SKIC2: variants seen among roughly 807,000 people sequenced by gnomAD.
The protein encoded by SKIC2 is SKI2 subunit of superkiller complex, also known as superkiller complex protein 2.
chr6:31,960,612 C>G, the SKIC2 span: 3 of 1,579,742 alleles, frequency 1.9e-6, no homozygotes, highest in Non-Finnish European at 1.7e-6. Flanking sequence ...GGTTCCCCAC[C>G]TATCTCGTAT....
At chr6:31,960,809 C>T in the SKIC2 span, 1 of 1,204,182 alleles carries the variant, frequency 8.3e-7, no homozygotes, top group Non-Finnish European at 1.2e-6. Flanking sequence ...TACTGCTAGC[C>T]CTCCCATGTT....
the SKIC2 span, among the ~76,000 whole-genome samples, chr6:31,965,338 A>C: frequency 4.5e-4 from 68 of 152,288 alleles, no homozygotes; most frequent in Non-Finnish European, 9.1e-4. The surrounding 1 kb of genome is among the most constrained non-coding windows in gnomAD (Gnocchi z 5.6). Flanking sequence ...AGTGTTCTGC[A>C]GCAGTTGGAA....
chr6:31,962,819 A>G, the SKIC2 span: 1,450 of 1,550,584 alleles, frequency 9.4e-4, 16 homozygotes, highest in Admixed American at 0.017. This position sits in a 1 kb window ranked among gnomAD's most constrained non-coding sequence, Gnocchi z 5.0. Context: ...TGGGCTCCCC[A>G]GAACCCGGCA....
At chr6:31,966,594 C>T in the SKIC2 span, 2 of 1,068,902 alleles carry the variant, frequency 1.9e-6, no homozygotes, top group Non-Finnish European at 2.8e-6. This position sits in a 1 kb window ranked among gnomAD's most constrained non-coding sequence, Gnocchi z 5.9. Flanking sequence ...TTGTCCAAGG[C>T]CCCATGGTTG....
chr6:31,962,756 G>T, the SKIC2 span: 1 of 1,612,914 alleles, frequency 6.2e-7, no homozygotes, highest in South Asian at 1.1e-5. The surrounding 1 kb of genome is among the most constrained non-coding windows in gnomAD (Gnocchi z 5.0). Flanking sequence ...GGGACCTGGA[G>T]TGGGTCATCT....
At chr6:31,968,101 G>A in the SKIC2 span, 1 of 1,612,392 alleles carries the variant, frequency 6.2e-7, no homozygotes, top group Non-Finnish European at 8.5e-7. The surrounding 1 kb of genome is among the most constrained non-coding windows in gnomAD (Gnocchi z 6.1). Flanking sequence ...TGCTAGGGAG[G>A]CCCTTCTCCT....
chr6:31,962,495 G>A, the SKIC2 span: 3 of 1,614,142 alleles, frequency 1.9e-6, no homozygotes, highest in African/African-American at 1.3e-5. The surrounding 1 kb of genome is among the most constrained non-coding windows in gnomAD (Gnocchi z 5.0). Flanking sequence ...CGGGACTTCC[G>A]AAACACATTC....
the SKIC2 span, chr6:31,963,195 G>T: frequency 1.1e-6 from 1 of 885,100 alleles, no homozygotes. This position sits in a 1 kb window ranked among gnomAD's most constrained non-coding sequence, Gnocchi z 5.3. Context: ...TCAGGCCTTA[G>T]GGGTGATGCT....
At chr6:31,968,566 C>G in the SKIC2 span, 6 of 1,582,626 alleles carry the variant, frequency 3.8e-6, no homozygotes, top group Non-Finnish European at 5.2e-6. The surrounding 1 kb of genome is among the most constrained non-coding windows in gnomAD (Gnocchi z 6.1). Context: ...AACTCCCAAG[C>G]TGGGAGTAGG....
At chr6:31,964,349 G>A in the SKIC2 span, 8 of 1,608,494 alleles carry the variant, frequency 5.0e-6, no homozygotes, top group Non-Finnish European at 6.8e-6. This position sits in a 1 kb window ranked among gnomAD's most constrained non-coding sequence, Gnocchi z 5.0. Flanking sequence ...CAAGGTGCAT[G>A]TGGTGGTGGA....
At chr6:31,964,049 C>G in the SKIC2 span, 1 of 1,612,606 alleles carries the variant, frequency 6.2e-7, no homozygotes, top group Non-Finnish European at 8.5e-7. This position sits in a 1 kb window ranked among gnomAD's most constrained non-coding sequence, Gnocchi z 5.0. Flanking sequence ...ACCACCAGTT[C>G]GGAGAAGAGC....
At chr6:31,966,009 T>A in the SKIC2 span, 1 of 1,586,776 alleles carries the variant, frequency 6.3e-7, no homozygotes, top group Non-Finnish European at 8.6e-7. The surrounding 1 kb of genome is among the most constrained non-coding windows in gnomAD (Gnocchi z 5.9). Context: ...CACCGCATGA[T>A]GATGGTGAGC....
the SKIC2 span, chr6:31,967,660 C>A: frequency 6.3e-7 from 1 of 1,593,326 alleles, no homozygotes; most frequent in Non-Finnish European, 8.6e-7. This position sits in a 1 kb window ranked among gnomAD's most constrained non-coding sequence, Gnocchi z 4.9. Context: ...CTGGTCTCTG[C>A]CTTTGATGTC....
the SKIC2 span, chr6:31,968,184 T>C: frequency 7.2e-6 from 11 of 1,534,482 alleles, no homozygotes; most frequent in Admixed American, 3.4e-5. The surrounding 1 kb of genome is among the most constrained non-coding windows in gnomAD (Gnocchi z 6.1). Context: ...GACCATGAAG[T>C]GGTGGGGTTG....
the SKIC2 span, chr6:31,964,419 G>T: frequency 8.9e-7 from 1 of 1,122,086 alleles, no homozygotes. The surrounding 1 kb of genome is among the most constrained non-coding windows in gnomAD (Gnocchi z 5.0). Flanking sequence ...CAGAGGGGCA[G>T]AGGTTTAGGC....
the SKIC2 span, among the ~76,000 whole-genome samples, chr6:31,964,997 A>T: frequency 6.6e-6 from 1 of 152,214 alleles, no homozygotes; most frequent in Non-Finnish European, 1.5e-5. This position sits in a 1 kb window ranked among gnomAD's most constrained non-coding sequence, Gnocchi z 5.0. Context: ...AGGTGCCTGT[A>T]GTCCCAGCTA....
chr6:31,963,055 C>T, the SKIC2 span: 2 of 1,612,874 alleles, frequency 1.2e-6, no homozygotes, highest in Non-Finnish European at 1.7e-6. This position sits in a 1 kb window ranked among gnomAD's most constrained non-coding sequence, Gnocchi z 5.3. Flanking sequence ...CTGAGTGCCA[C>T]CGTCCCCAAC....
the SKIC2 span, chr6:31,969,125 G>A: frequency 6.3e-6 from 10 of 1,588,302 alleles, no homozygotes; most frequent in Non-Finnish European, 8.6e-6. The surrounding 1 kb of genome is among the most constrained non-coding windows in gnomAD (Gnocchi z 6.1). Context: ...TGCCAGGGCT[G>A]TGGCATTCCT....
At chr6:31,965,237 C>T in the SKIC2 span, among the ~76,000 whole-genome samples, 1 of 152,168 alleles carries the variant, frequency 6.6e-6, no homozygotes, top group Non-Finnish European at 1.5e-5. This position sits in a 1 kb window ranked among gnomAD's most constrained non-coding sequence, Gnocchi z 5.6. Context: ...CATGTACACC[C>T]ATCCTTTGTT....
Sources: gnomAD v4.1 joint callset for allele counts (sites outside exome capture counted in the v4.1 genomes callset) on GRCh38, gnomAD v4.1.1 for gene constraint, Gnocchi (gnomAD v3.1) non-coding constraint, MANE v1.5 for transcripts, NCBI Gene and HGNC (gene_info 2026-07-23, HGNC 2026-07-21) for gene names.